ANK2: variants seen among roughly 807,000 people sequenced by gnomAD.
The protein encoded by ANK2 is ankyrin 2.
ANK2 carries 83 observed loss-of-function variants against 360.5 expected under a neutral mutation model. The observed-to-expected ratio is 0.23, with a 90% CI of 0.19 to 0.28. The LOEUF (loss-of-function observed/expected upper bound fraction) is 0.28, where lower values mean the gene tolerates loss of function less well. Ranked by LOEUF, ANK2 falls within the 10% of genes least tolerant of loss-of-function variation. The pLI is 1.00. For missense variants in ANK2, 4,201 were observed against 4,795.7 expected, an observed-to-expected ratio of 0.88 and a Z score of 3.66; for synonymous variants, 1,740 against 1,759.5, an observed-to-expected ratio of 0.99 and a Z score of 0.28.
chr4:113,155,443 G>A (rs2097251743), intron 1 of ANK2, among the ~76,000 whole-genome samples: 1 of 152,064 alleles, frequency 6.6e-6, no homozygotes, highest in African/African-American at 2.4e-5. Flanking sequence ...TAAAAAAGGA[G>A]ACATTGGAGA....
intron 2 of ANK2, among the ~76,000 whole-genome samples, chr4:112,946,664 T>C (rs1581675125): frequency 6.6e-6 from 1 of 152,182 alleles, no homozygotes; most frequent in African/African-American, 2.4e-5. Flanking sequence ...TTCATAAGTG[T>C]AAAAATCTAA....
intron 43 of ANK2, among the ~76,000 whole-genome samples, chr4:113,372,362 A>C (rs1169850561): frequency 6.6e-6 from 1 of 152,130 alleles, no homozygotes; most frequent in Non-Finnish European, 1.5e-5. Context: ...AAAACACTCT[A>C]TTTTTGTTGA....
intron 1 of ANK2, among the ~76,000 whole-genome samples, chr4:113,172,626 G>A (rs771276409): frequency 6.6e-6 from 1 of 152,076 alleles, no homozygotes; most frequent in Non-Finnish European, 1.5e-5. Context: ...TCTGCTTTAT[G>A]TACAAATTGG....
chr4:113,082,147 G>T (rs924436886), intron 1 of ANK2, among the ~76,000 whole-genome samples: 1 of 152,156 alleles, frequency 6.6e-6, no homozygotes, highest in Non-Finnish European at 1.5e-5. Flanking sequence ...CTATTAATAA[G>T]ATTTTACTGC....
At chr4:113,203,391 T>C (rs1468462672) in intron 4 of ANK2, among the ~76,000 whole-genome samples, 2 of 152,058 alleles carry the variant, frequency 1.3e-5, no homozygotes, top group Non-Finnish European at 2.9e-5. Context: ...CTTGTAGCAC[T>C]CTTTGTTGAC....
At chr4:113,302,266 GA>G (rs2075377861) in intron 22 of ANK2, among the ~76,000 whole-genome samples, 1 of 152,206 alleles carries the variant, frequency 6.6e-6, no homozygotes, top group African/African-American at 2.4e-5. Flanking sequence ...AAATATTAAA[GA>G]GATGATTTGA....
At chr4:112,730,103 A>G in the ANK2 span, among the ~76,000 whole-genome samples, 1 of 151,712 alleles carries the variant, frequency 6.6e-6, no homozygotes, top group Non-Finnish European at 1.5e-5. Context: ...AATATGCAAA[A>G]ATTAGCCAGG....
intron 2 of ANK2, among the ~76,000 whole-genome samples, chr4:113,029,646 A>T (rs1353444190): frequency 1.3e-5 from 2 of 152,122 alleles, no homozygotes; most frequent in Non-Finnish European, 2.9e-5. Flanking sequence ...GCCCACCAAG[A>T]TCCAATGAAT....
At chr4:112,750,069 A>C in the ANK2 span, among the ~76,000 whole-genome samples, 3 of 151,616 alleles carry the variant, frequency 2.0e-5, no homozygotes, top group Non-Finnish European at 4.4e-5. Flanking sequence ...CTTCTAACAC[A>C]TTTTCTTTCA....
At chr4:112,880,730 T>G (rs899051871) in intron 1 of ANK2, 1 of 152,206 alleles carries the variant, frequency 6.6e-6, no homozygotes, top group African/African-American at 2.4e-5. Context: ...CCTCTGATCC[T>G]TTTTTCCTTT....
intron 38 of ANK2, among the ~76,000 whole-genome samples, chr4:113,359,690 TTTC>T (rs1306504428): frequency 7.2e-5 from 11 of 152,180 alleles, no homozygotes; most frequent in Non-Finnish European, 1.2e-4. Context: ...AGACATTGCT[TTTC>T]TTCTTATCTT....
At chr4:113,196,755 G>A (rs554887651) in intron 3 of ANK2, among the ~76,000 whole-genome samples, 258 of 152,160 alleles carry the variant, frequency 1.7e-3, no homozygotes, top group Non-Finnish European at 2.1e-3. Flanking sequence ...GGGCTCTAGC[G>A]ATCCTCCTGC....
At chr4:113,186,607 C>CTG (rs2098533693) in intron 2 of ANK2, among the ~76,000 whole-genome samples, 3 of 138,906 alleles carry the variant, frequency 2.2e-5, no homozygotes, top group Non-Finnish European at 1.5e-5. Context: ...CTCTCTCTCT[C>CTG]CCTCACTCAC....
At chr4:113,346,062 G>A (rs2153990800) in intron 35 of ANK2, 40 bp downstream of exon 35, 1 of 1,609,682 alleles carries the variant, frequency 6.2e-7, no homozygotes, top group East Asian at 2.2e-5. Flanking sequence ...AGGTAGAGTA[G>A]GAATTGATTT....
chr4:113,357,624 C>T lies in ANK2; in HGVS notation c.9006C>T (p.Thr3002=), dbSNP rs568255684. The T allele has an allele frequency of 4.3e-6, 7 of 1,614,108 alleles. 1 individual carries two copies. The South Asian group carries it at 7.7e-5, about 18-fold the overall frequency. Residue 3002 remains threonine (T), a synonymous_variant, in exon 38 of 46, where the codon ACC becomes ACT. Coordinates refer to ENST00000357077, the MANE Select transcript of ANK2 (RefSeq NM_001148.6). ...AAATGGAATCCCAACAGGAAAGTAC[C>T]TTGTGGGAAATGCAATCAGACAGTG... ...DIKMESQQES[T]LWEMQSDSVS...
At chr4:113,096,540 G>A (rs1022660163) in intron 1 of ANK2, among the ~76,000 whole-genome samples, 4 of 152,106 alleles carry the variant, frequency 2.6e-5, no homozygotes, top group Non-Finnish European at 5.9e-5. Context: ...GTGGATAGCA[G>A]TATTTATGCT....
At chr4:113,372,436 T>C (rs1294460708) in intron 43 of ANK2, 1 of 749,036 alleles carries the variant, frequency 1.3e-6, no homozygotes, top group African/African-American at 1.8e-5. Flanking sequence ...CCTCCATGAA[T>C]AAAAGTTTCA....
intron 1 of ANK2, among the ~76,000 whole-genome samples, chr4:113,159,671 C>T (rs990633114): frequency 1.3e-5 from 2 of 151,688 alleles, no homozygotes; most frequent in Non-Finnish European, 2.9e-5. Context: ...TGCAGTGGCA[C>T]GATCTCGGCT....
At chr4:112,804,474 C>T in the ANK2 span, among the ~76,000 whole-genome samples, 1 of 152,022 alleles carries the variant, frequency 6.6e-6, no homozygotes, top group Non-Finnish European at 1.5e-5. Context: ...CCTCCTTGGA[C>T]AAAAATTGAG....
Sources: allele counts gnomAD v4.1 joint callset (sites outside exome capture counted in the v4.1 genomes callset), GRCh38; gene constraint gnomAD v4.1.1; transcripts MANE v1.5; gene names NCBI Gene and HGNC (gene_info 2026-07-23, HGNC 2026-07-21).